The following NVL variants were observed in gnomAD, a reference collection of about 807,000 sequenced individuals.
NVL encodes nuclear valosin-containing protein-like.
NVL carries 84 observed loss-of-function variants against 110.2 expected under a neutral mutation model. That is an observed-to-expected ratio of 0.76 (90% confidence interval 0.64 to 0.91). The LOEUF (loss-of-function observed/expected upper bound fraction) is 0.91. Among genes scored for constraint, NVL ranks in the 40% least tolerant of loss-of-function variants. NVL has a pLI of 0.00. For missense variants in NVL, 882 were observed against 1,035.9 expected, an observed-to-expected ratio of 0.85 and a Z score of 2.04; for synonymous variants, 354 against 361.1, an observed-to-expected ratio of 0.98 and a Z score of 0.22.
chr1:224,289,232 C>A, intron 13 of NVL: 1 of 418,510 alleles, frequency 2.4e-6, no homozygotes, highest in Non-Finnish European at 4.2e-6. Flanking sequence ...GGTGGGTAGG[C>A]CACAGTCTGC....
chr1:224,235,487 C>T (rs1422830386), intron 20 of NVL, among the ~76,000 whole-genome samples: 1 of 151,982 alleles, frequency 6.6e-6, no homozygotes, highest in East Asian at 1.9e-4. Flanking sequence ...AATAAAGACT[C>T]GTATGGATTT....
intron 18 of NVL, among the ~76,000 whole-genome samples, chr1:224,250,936 C>A (rs1029465145): frequency 3.9e-5 from 6 of 151,940 alleles, no homozygotes; most frequent in African/African-American, 9.7e-5. Context: ...GGATTACAGA[C>A]GTGAGCCACT....
chr1:224,280,397 T>C lies in NVL; in HGVS notation c.1962+726A>G, dbSNP rs188751061. Reference sequence around the variant, plus strand: ...ATAAAGGCCCTTCAATGTCTGGCTATAACCTTCTTTTCCAATCCCAGTTCC... The same window carrying C: ...ATAAAGGCCCTTCAATGTCTGGCTACAACCTTCTTTTCCAATCCCAGTTCC... On this transcript the variant is annotated intron_variant, in intron 16 of 22. Transcript: ENST00000281701. Among the ~76,000 whole-genome samples, 3 of 152,274 alleles carry C rather than the reference T, an allele frequency of 2.0e-5. No individual in the cohort carries two copies. The East Asian group carries it at 5.8e-4, about 29-fold the overall frequency.
In NVL at chr1:224,286,090, A is replaced by G. The variant is rs1432560641; in HGVS notation, c.1835T>C (p.Leu612Ser). 6.2e-7 allele frequency: 1 copy of G among 1,614,014 alleles called. No homozygotes were observed. Among genetic ancestry groups the G allele is most frequent in the East Asian group, 2.2e-5 (1 of 44,902 alleles). ...AAGGAGGACCCCAGCTGGAGTCACC[A>G]ATCCAAGAGCTTTGAACTGGTCTGG... The part of the protein sequence containing the change: ...RNPDQFKALG[L>S]VTPAGVLLAG... The change falls in exon 15 of 23, where the codon TTG (leucine) becomes TCG (serine). Residue 612 changes from leucine to serine, a missense_variant. Leu to Ser is a moderately radical substitution (Grantham distance 145). This residue lies in a region of NVL where 416 missense variants were observed against 499.3 expected (regional missense o/e 0.83). Transcript: ENST00000281701.
At position 224,330,088 on chromosome 1, in the gene NVL, T is replaced by A. The variant is rs185167238; in HGVS notation, c.40A>T (p.Lys14Ter). The part of the protein sequence containing the change: ...RPAGFVDNKL[K>*]QRVIQYLTSN... Reference sequence around the variant, plus strand: ...ATACACACCTGGATGACTCGCTGCTTGAGTTTATTATCCACGAACCCTGCA... The same window carrying A: ...ATACACACCTGGATGACTCGCTGCTAGAGTTTATTATCCACGAACCCTGCA... Residue 14 changes from lysine (K) to a stop codon, truncating the protein, a stop_gained, in exon 1 of 23, where the codon AAG (lysine) becomes TAG (stop). Coordinates refer to ENST00000281701, the MANE Select transcript of NVL (RefSeq NM_002533.4). LOFTEE classifies it high-confidence loss of function. 2.5e-6 allele frequency: 4 copies of A among 1,613,950 alleles called. No individual in the cohort carries two copies. In the Admixed American group the frequency reaches 6.7e-5, roughly 27 times the overall value.
At chr1:224,267,737 G>A (rs1050159203) in intron 18 of NVL, among the ~76,000 whole-genome samples, 2 of 142,246 alleles carry the variant, frequency 1.4e-5, no homozygotes, top group African/African-American at 2.6e-5. Flanking sequence ...CAGCCAAAAA[G>A]AGCTTTCTAA....
chr1:224,327,760 G>A (rs1671280249), intron 1 of NVL, among the ~76,000 whole-genome samples: 1 of 151,188 alleles, frequency 6.6e-6, no homozygotes, highest in African/African-American at 2.4e-5. Flanking sequence ...AGTCAAGTGT[G>A]AGGACAGAGA....
At chr1:224,242,288 T>C (rs1340845315) in intron 19 of NVL, among the ~76,000 whole-genome samples, 1 of 152,154 alleles carries the variant, frequency 6.6e-6, no homozygotes, top group African/African-American at 2.4e-5. Context: ...TAAAAATGGC[T>C]AAAATGGTAA....
At position 224,310,158 on chromosome 1, in the gene NVL, G is replaced by A. The variant is rs143673048; in HGVS notation, c.342+1642C>T. Among the ~76,000 whole-genome samples the A allele has an allele frequency of 3.8e-3, 512 of 135,156 alleles. 3 individuals carry two copies. Among genetic ancestry groups the A allele is most frequent in the African/African-American group, 0.013 (444 of 35,482 alleles). 88.7% of individuals were successfully genotyped at this position (135,156 alleles called of 152,430 possible). ...CACACCACTGCACTTCAGCCTGGGC[G>A]ACAGAGTGAGACTCCCTCGCAAAAA... On this transcript the variant is annotated intron_variant, in intron 5 of 22. Coordinates refer to ENST00000281701, the MANE Select transcript of NVL (RefSeq NM_002533.4).
At chr1:224,252,942 TG>T (rs1662671988) in intron 18 of NVL, among the ~76,000 whole-genome samples, 1 of 152,218 alleles carries the variant, frequency 6.6e-6, no homozygotes, top group Non-Finnish European at 1.5e-5. Flanking sequence ...TTTATGTAAG[TG>T]GAATTATACA....
At chr1:224,277,092 C>T (rs2102862401) in intron 16 of NVL, among the ~76,000 whole-genome samples, 2 of 152,182 alleles carry the variant, frequency 1.3e-5, no homozygotes, top group African/African-American at 4.8e-5. Flanking sequence ...TATTTGAGCT[C>T]TTCTACCTTC....
At position 224,308,074 on chromosome 1, in the gene NVL, T is replaced by G; in HGVS notation, c.532A>C (p.Thr178Pro). Residue 178 changes from threonine to proline, a missense_variant, in exon 6 of 23, where the codon ACC (threonine) becomes CCC (proline). By Grantham distance (38) the Thr-to-Pro change is conservative. Around this residue, in one of 4 missense-constraint regions of NVL, gnomAD observed 274 missense variants for 268.4 expected, o/e 1.02. Transcript: ENST00000281701. ...DSEGGWFIDKTPSVKKDSFFL... is the reference protein window; with the variant it reads ...DSEGGWFIDKPPSVKKDSFFL... ...AAACTGTCTTTCTTTACACTTGGGG[T>G]TTTGTCAATAAACCATCCTCCTTCA... The G allele has an allele frequency of 6.2e-7, 1 of 1,606,842 alleles. No individual in the cohort carries two copies. Among genetic ancestry groups the G allele is most frequent in the Non-Finnish European group, 8.5e-7 (1 of 1,177,622 alleles).
chr1:224,275,815 G>A lies in NVL; in HGVS notation c.1963-357C>T, dbSNP rs114879893. On this transcript the variant is annotated intron_variant, in intron 16 of 22. Coordinates refer to ENST00000281701, the MANE Select transcript of NVL (RefSeq NM_002533.4). ...CCTCGTGCATATAAAATATCCAGCA[G>A]TAATTTTCATTAATTCAACAGTATT... 3.6e-3 allele frequency among the ~76,000 whole-genome samples: 551 copies of A among 152,252 alleles called. 7 individuals carry two copies. The highest frequency in any genetic ancestry group is 0.013 in the African/African-American group (520 of 41,534).
chr1:224,308,491 G>GAC (rs1266457649), intron 5 of NVL, among the ~76,000 whole-genome samples: 1 of 149,944 alleles, frequency 6.7e-6, no homozygotes, highest in Non-Finnish European at 1.5e-5. Context: ...AGGAGTTCAA[G>GAC]ACCAGCCTAG....
intron 5 of NVL, among the ~76,000 whole-genome samples, chr1:224,308,975 G>A (rs1313742934): frequency 4.8e-5 from 7 of 147,290 alleles, no homozygotes; most frequent in Non-Finnish European, 7.5e-5. Flanking sequence ...GCAGGAGAAT[G>A]GCGAGAACCC....
intron 7 of NVL, 61 bp downstream of exon 7, chr1:224,304,973 C>G: frequency 2.5e-6 from 4 of 1,593,550 alleles, no homozygotes; most frequent in African/African-American, 1.3e-5. Context: ...TAGCTTGGGA[C>G]AGAATGATGC....
chr1:224,268,606 G>A (rs2102822952), intron 17 of NVL, among the ~76,000 whole-genome samples: 1 of 152,194 alleles, frequency 6.6e-6, no homozygotes, highest in Non-Finnish European at 1.5e-5. Flanking sequence ...AAAGTGCTGG[G>A]ATTATAGGTG....
chr1:224,294,313 C>T lies in NVL; in HGVS notation c.1279G>A (p.Asp427Asn). 6.2e-7 allele frequency: 1 copy of T among 1,614,078 alleles called. No homozygotes were observed. Among genetic ancestry groups the T allele is most frequent in the Non-Finnish European group, 8.5e-7 (1 of 1,180,022 alleles). ...GGGATACCTAGGCATATTTCTCGGT[C>T]GAACCTTCCCGCACGTCTCAAAGCA... ...DPALRRAGRF[D>N]REICLGIPDE... Residue 427 changes from aspartate to asparagine, a missense_variant, in exon 12 of 23, where the codon GAC becomes AAC. This residue lies in a region of NVL where 416 missense variants were observed against 499.3 expected (regional missense o/e 0.83). Coordinates refer to ENST00000281701, the MANE Select transcript of NVL (RefSeq NM_002533.4).
At position 224,275,334 on chromosome 1, in the gene NVL, C is replaced by G; in HGVS notation, c.2082+5G>C. On this transcript the variant is annotated splice_donor_5th_base_variant and intron_variant, in intron 17 of 22. Coordinates refer to ENST00000281701, the MANE Select transcript of NVL (RefSeq NM_002533.4). ...ATCTGAAAACCACTAGTCCATGATA[C>G]TTACCTCTCGGTCTGATCTTCGAGG... 3 of 1,614,136 alleles carry G rather than the reference C, an allele frequency of 1.9e-6. No individual in the cohort carries two copies. Among genetic ancestry groups the G allele is most frequent in the Non-Finnish European group, 2.5e-6 (3 of 1,180,010 alleles).
Sources: allele counts gnomAD v4.1 joint callset (sites outside exome capture counted in the v4.1 genomes callset), GRCh38; gene constraint gnomAD v4.1.1; regional missense constraint gnomAD v4.1.1; transcripts MANE v1.5; gene names NCBI Gene and HGNC (gene_info 2026-07-23, HGNC 2026-07-21).